C12orf42: variants seen among roughly 807,000 people sequenced by gnomAD.
The protein encoded by C12orf42 is chromosome 12 open reading frame 42.
C12orf42 carries 25 observed loss-of-function variants against 21.6 expected under a neutral mutation model. That is an observed-to-expected ratio of 1.16 (90% confidence interval 0.84 to 1.62). The LOEUF is 1.62. Among genes scored for constraint, C12orf42 ranks in the 40% most tolerant of loss-of-function variants. The pLI is 0.00. For missense variants in C12orf42, 483 were observed against 459.3 expected (o/e 1.05, Z -0.47); for synonymous variants, 174 against 175.0 (o/e 0.99, Z 0.05).
intron 4 of C12orf42, among the ~76,000 whole-genome samples, chr12:103,283,079 A>C (rs2036232368): frequency 6.6e-6 from 1 of 152,228 alleles, no homozygotes; most frequent in Non-Finnish European, 1.5e-5. Context: ...TTTTATCTTT[A>C]AATGTCAAAT....
the C12orf42 span, among the ~76,000 whole-genome samples, chr12:103,142,151 T>G: frequency 2.0e-5 from 3 of 152,204 alleles, no homozygotes; most frequent in African/African-American, 7.2e-5. Context: ...CAAGTTTGAG[T>G]GACTAGTTTT....
At chr12:103,065,343 C>G in the C12orf42 span, among the ~76,000 whole-genome samples, 1 of 152,222 alleles carries the variant, frequency 6.6e-6, no homozygotes, top group Admixed American at 6.5e-5. Flanking sequence ...TCTCCTGGTA[C>G]CTGGTATGCA....
At chr12:103,226,489 T>C in the C12orf42 span, among the ~76,000 whole-genome samples, 7 of 152,120 alleles carry the variant, frequency 4.6e-5, no homozygotes, top group Admixed American at 6.5e-5. Context: ...GATTTTTATA[T>C]TTGATGAAAA....
Position 103,256,538 on chromosome 12 carries a change from T to C in C12orf42, c.*1366+6788A>G, listed in dbSNP as rs1425476794. Among the ~76,000 whole-genome samples the C allele has an allele frequency of 2.6e-5, 4 of 152,086 alleles. 1 individual carries two copies. The South Asian group carries it at 8.3e-4, about 32-fold the overall frequency. ...ATGGATCCCCGTAATAGCCAACAGT[T>C]ATTTACTGAAAACCACAGTGGGCCA... On this transcript the variant is annotated intron_variant and NMD_transcript_variant, in intron 10 of 10. Transcript: ENST00000547347.
chr12:103,140,081 A>G, the C12orf42 span, among the ~76,000 whole-genome samples: 117 of 152,334 alleles, frequency 7.7e-4, no homozygotes, highest in African/African-American at 2.6e-3. Flanking sequence ...GGGCCTCAGG[A>G]ATCAAATCTG....
chr12:103,487,006 T>A, intron 1 of C12orf42, among the ~76,000 whole-genome samples: 1 of 152,192 alleles, frequency 6.6e-6, no homozygotes, highest in Non-Finnish European at 1.5e-5. Flanking sequence ...TAGCTTTTAA[T>A]TTATTTGCTC....
At chr12:103,111,727 G>T in the C12orf42 span, among the ~76,000 whole-genome samples, 3 of 152,218 alleles carry the variant, frequency 2.0e-5, no homozygotes, top group Non-Finnish European at 4.4e-5. Context: ...CTCACTCGAA[G>T]CACCCTTCAG....
chr12:103,381,039 C>T (rs2138196482), intron 3 of C12orf42, among the ~76,000 whole-genome samples: 1 of 152,306 alleles, frequency 6.6e-6, no homozygotes, highest in South Asian at 2.1e-4. Context: ...TCTCAGAAAA[C>T]TTATTTTCTG....
At chr12:103,548,593 T>C in the C12orf42 span, 3 of 152,356 alleles carry the variant, frequency 2.0e-5, 1 homozygote, top group African/African-American at 4.8e-5. Context: ...TGCTTTAAGA[T>C]AGTAGCTATT....
intron 10 of C12orf42, among the ~76,000 whole-genome samples, chr12:103,253,942 T>C (rs542200494): frequency 1.9e-4 from 29 of 152,320 alleles, no homozygotes; most frequent in Non-Finnish European, 2.5e-4. Flanking sequence ...TTTGCTCTGA[T>C]GACAGTTTAT....
chr12:103,100,551 C>T, the C12orf42 span, among the ~76,000 whole-genome samples: 1 of 152,200 alleles, frequency 6.6e-6, no homozygotes, highest in African/African-American at 2.4e-5. Flanking sequence ...CTGCTATAGG[C>T]CCAGAACCAC....
At chr12:103,188,285 TTTTTAA>T in the C12orf42 span, among the ~76,000 whole-genome samples, 1 of 152,238 alleles carries the variant, frequency 6.6e-6, no homozygotes, top group Non-Finnish European at 1.5e-5. Flanking sequence ...CTTTCTTTCT[TTTTTAA>T]TTTTATTTTT....
the C12orf42 span, among the ~76,000 whole-genome samples, chr12:103,086,964 A>G: frequency 6.6e-6 from 1 of 152,216 alleles, no homozygotes; most frequent in African/African-American, 2.4e-5. Context: ...CAGAAACTCA[A>G]CAAGTGAAAA....
chr12:103,435,472 A>G (rs1372935671), intron 2 of C12orf42, among the ~76,000 whole-genome samples: 3 of 152,248 alleles, frequency 2.0e-5, no homozygotes, highest in African/African-American at 4.8e-5. Flanking sequence ...GAGGACATCC[A>G]AACCAAAGGC....
At position 103,405,428 on chromosome 12, in the gene C12orf42, A is replaced by G. The variant is rs558854045; in HGVS notation, c.79-3753T>C. Among the ~76,000 whole-genome samples, 7 of 152,190 alleles carry G rather than the reference A, an allele frequency of 4.6e-5. No homozygotes were observed. The South Asian group carries it at 6.2e-4, about 14-fold the overall frequency. On this transcript the variant is annotated intron_variant, in intron 2 of 5. Transcript: ENST00000548883. ...GTGTGGAGGGGCATGTTCCAATGGG[A>G]TGATAAGGCTGGAGAAGGGGGTCTT... is the stretch of plus-strand genomic sequence containing the variant.
At chr12:103,221,752 C>T in the C12orf42 span, among the ~76,000 whole-genome samples, 1 of 152,182 alleles carries the variant, frequency 6.6e-6, no homozygotes, top group Non-Finnish European at 1.5e-5. Context: ...CTTTGGCTTT[C>T]AGCATTTATA....
At chr12:103,189,993 A>ACACACAGAG in the C12orf42 span, among the ~76,000 whole-genome samples, 1 of 152,146 alleles carries the variant, frequency 6.6e-6, no homozygotes, top group African/African-American at 2.4e-5. Flanking sequence ...ATACACACAC[A>ACACACAGAG]CACACAGAGG....
chr12:103,478,548 A>G, intron 1 of C12orf42, 101 bp from the exon 2 acceptor site: 1 of 507,294 alleles, frequency 2.0e-6, no homozygotes, highest in Non-Finnish European at 3.3e-6. Flanking sequence ...CATCCTATCC[A>G]TGAACATAGT....
chr12:103,256,193 CA>C (rs1409356626), intron 10 of C12orf42, among the ~76,000 whole-genome samples: 5 of 134,154 alleles, frequency 3.7e-5, no homozygotes, highest in African/African-American at 1.1e-4. Flanking sequence ...TATATATACA[CA>C]TATATATATA....
Sources: allele counts gnomAD v4.1 joint callset (sites outside exome capture counted in the v4.1 genomes callset), GRCh38; gene constraint gnomAD v4.1.1; transcripts MANE v1.5; gene names NCBI Gene and HGNC (gene_info 2026-07-23, HGNC 2026-07-21).